Variants in CELF2 observed in about 807,000 individuals in gnomAD.
CELF2 encodes the protein CUG triplet repeat RNA-binding protein 2.
CELF2 carries 8 observed loss-of-function variants against 62.6 expected under a neutral mutation model. The observed-to-expected ratio is 0.13, with a 90% confidence interval of 0.07 to 0.23. The LOEUF is 0.23. Ranked by LOEUF, CELF2 falls within the 10% of genes least tolerant of loss-of-function variation. The pLI is 1.00. For missense variants in CELF2, 333 were observed against 671.0 expected (o/e 0.50, Z 5.56); for synonymous variants, 258 against 250.0 (o/e 1.03, Z -0.30).
chr10:11,175,063 C>G (rs151163090), intron 2 of CELF2, among the ~76,000 whole-genome samples: 2 of 131,220 alleles, frequency 1.5e-5, no homozygotes, highest in South Asian at 4.8e-4. Context: ...TTAAAGTCTG[C>G]CCCCCCGCCC....
intron 2 of CELF2, among the ~76,000 whole-genome samples, chr10:10,979,811 G>C (rs1487941522): frequency 6.6e-6 from 1 of 152,132 alleles, no homozygotes; most frequent in African/African-American, 2.4e-5. Context: ...TAAAACATCT[G>C]AGATGGCAGG....
At chr10:10,589,115 A>T in the CELF2 span, among the ~76,000 whole-genome samples, 6 of 152,164 alleles carry the variant, frequency 3.9e-5, no homozygotes, top group Non-Finnish European at 7.3e-5. Context: ...TAGATGTACG[A>T]TGTACATTGG....
In CELF2 at chr10:11,325,951, C is replaced by T; in HGVS notation, c.1410C>T (p.Asp470=). Residue 470 remains aspartate, a synonymous_variant, in exon 12 of 13, where the codon GAC becomes GAT. Transcript: ENST00000633077. The part of the protein sequence containing the change: ...GNVISAKVFI[D]KQTNLSKCFG... ...TTATCTCTGCTAAAGTCTTCATTGACAAACAGACCAATCTGAGCAAGTGCT... is the reference window on the plus strand; with the variant it reads ...TTATCTCTGCTAAAGTCTTCATTGATAAACAGACCAATCTGAGCAAGTGCT... The T allele has an allele frequency of 6.2e-7, 1 of 1,613,750 alleles. No individual in the cohort carries two copies.
chr10:11,234,955 A>G (rs565986420), intron 3 of CELF2, among the ~76,000 whole-genome samples: 91 of 152,224 alleles, frequency 6.0e-4, no homozygotes, highest in African/African-American at 2.1e-3. Context: ...ATATTTTCTT[A>G]TTCAGTCCTC....
the CELF2 span, among the ~76,000 whole-genome samples, chr10:10,462,615 C>CTTTTTT: frequency 4.3e-5 from 3 of 69,412 alleles, no homozygotes; most frequent in South Asian, 7.0e-4. Context: ...TTTTTTTCAT[C>CTTTTTT]TTTTTTTTTT....
At chr10:10,613,584 C>A in the CELF2 span, among the ~76,000 whole-genome samples, 1 of 152,128 alleles carries the variant, frequency 6.6e-6, no homozygotes, top group South Asian at 2.1e-4. Flanking sequence ...ACAGAGATGG[C>A]AGAATGTAAC....
chr10:10,770,329 C>CTCAA, the CELF2 span, among the ~76,000 whole-genome samples: 2 of 152,072 alleles, frequency 1.3e-5, no homozygotes, highest in African/African-American at 2.4e-5. Flanking sequence ...GAGACTCCAT[C>CTCAA]TCAATCAATC....
intron 1 of CELF2, among the ~76,000 whole-genome samples, chr10:10,880,805 G>A (rs2061395616): frequency 6.6e-6 from 1 of 152,102 alleles, no homozygotes; most frequent in South Asian, 2.1e-4. Context: ...GCCATATTTT[G>A]TACATTCTAT....
At chr10:11,179,772 C>G (rs975942748) in intron 2 of CELF2, among the ~76,000 whole-genome samples, 3 of 152,028 alleles carry the variant, frequency 2.0e-5, no homozygotes, top group African/African-American at 7.3e-5. Flanking sequence ...GCTCTGTGAT[C>G]CTATAAAGGT....
chr10:11,118,901 AC>A (rs1450396902), intron 1 of CELF2, among the ~76,000 whole-genome samples: 1 of 152,186 alleles, frequency 6.6e-6, no homozygotes, highest in Non-Finnish European at 1.5e-5. Flanking sequence ...TTCGCAAGTC[AC>A]TTAACTCCTG....
chr10:11,005,423 T>G lies in CELF2; in HGVS notation c.36T>G (p.Asn12Lys), dbSNP rs1263964324. ...CCAAATCCGCTGTTACTATGAGAAA[T>G]GAAGAGCTGCTTTTAAGGTATGTTG... Residue 12 changes from asparagine (N) to lysine (K), a missense_variant, in exon 1 of 13, where the codon AAT (asparagine) becomes AAG (lysine). Coordinates refer to the CELF2 transcript ENST00000416382. This position sits in a 1 kb window ranked among gnomAD's most constrained non-coding sequence, Gnocchi z 4.3. The G allele has an allele frequency of 1.9e-6, 3 of 1,613,976 alleles. No homozygotes were observed. Among genetic ancestry groups the G allele is most frequent in the East Asian group, 4.5e-5 (2 of 44,886 alleles).
intron 1 of CELF2, among the ~76,000 whole-genome samples, chr10:11,115,899 C>T (rs977444971): frequency 6.6e-6 from 1 of 152,144 alleles, no homozygotes; most frequent in African/African-American, 2.4e-5. Flanking sequence ...GCTGATTTTT[C>T]ACATCTTGTA....
At chr10:11,254,886 ATCCCATCTCTCCCCTTCCTG>A (rs374880402) in intron 4 of CELF2, among the ~76,000 whole-genome samples, 12,749 of 152,036 alleles carry the variant, frequency 0.084, 587 homozygotes, top group Non-Finnish European at 0.11. Flanking sequence ...CCCCCTTTCC[ATCCCATCTCTCCCCTTCCTG>A]TCCCATCTCT....
Position 11,304,077 on chromosome 10 carries a change from TAAAAC to T in CELF2, c.977-10059_977-10055del, listed in dbSNP as rs2094000580. 2.0e-5 allele frequency among the ~76,000 whole-genome samples: 3 copies of T among 152,210 alleles called. No individual in the cohort carries two copies. The South Asian group carries it at 6.2e-4, about 32-fold the overall frequency. On this transcript the variant is annotated intron_variant, in intron 9 of 12. Transcript: ENST00000633077. ...ACAAGTTACCACCAACCTCATGGCT[TAAAAC>T]AACACATTTATTATGTTGCAGTTCT...
chr10:11,205,842 C>T (rs942533553), intron 2 of CELF2, among the ~76,000 whole-genome samples: 4 of 152,118 alleles, frequency 2.6e-5, no homozygotes, highest in East Asian at 1.9e-4. Flanking sequence ...ACAGTTATAA[C>T]GGCCATAAAT....
At chr10:11,070,186 G>T (rs1405793347) in intron 1 of CELF2, among the ~76,000 whole-genome samples, 1 of 152,144 alleles carries the variant, frequency 6.6e-6, no homozygotes, top group African/African-American at 2.4e-5. Flanking sequence ...AGTGGGTTTA[G>T]CAGGCAAAGG....
the CELF2 span, among the ~76,000 whole-genome samples, chr10:10,641,715 C>G: frequency 6.6e-6 from 1 of 152,188 alleles, no homozygotes; most frequent in Non-Finnish European, 1.5e-5. Context: ...TCCCAAAGTG[C>G]TGGGATTTCA....
In CELF2 at chr10:10,928,465, G is replaced by A. The variant is rs576084971; in HGVS notation, c.89+8466G>A. 1.5e-4 allele frequency among the ~76,000 whole-genome samples: 23 copies of A among 152,178 alleles called. No individual in the cohort carries two copies. Among genetic ancestry groups the A allele is most frequent in the Admixed American group, 3.9e-4 (6 of 15,280 alleles). On this transcript the variant is annotated intron_variant, in intron 2 of 13. Transcript: ENST00000636488. The surrounding 1 kb of genome is among the most constrained non-coding windows in gnomAD (Gnocchi z 4.8). ...ATTTTGCAAACTACAGCCCACAGAC[G>A]AAATCTAGATAGTGGCCTGTGCTTA... is the stretch of plus-strand genomic sequence containing the variant.
intron 2 of CELF2, among the ~76,000 whole-genome samples, chr10:10,982,161 G>T (rs2052207740): frequency 6.6e-6 from 1 of 151,752 alleles, no homozygotes; most frequent in African/African-American, 2.4e-5. Context: ...CACCATGTTG[G>T]CCAGGCTAGT....
Sources: allele counts gnomAD v4.1 joint callset (sites outside exome capture counted in the v4.1 genomes callset), GRCh38; gene constraint gnomAD v4.1.1; non-coding constraint Gnocchi (gnomAD v3.1); transcripts MANE v1.5; gene names NCBI Gene and HGNC (gene_info 2026-07-23, HGNC 2026-07-21).